Variants in MED15 observed in about 807,000 individuals in gnomAD.
MED15 encodes mediator of RNA polymerase II transcription subunit 15.
In MED15, 41 loss-of-function variants were observed where a neutral mutation model predicts 118.7. The ratio of observed to expected loss-of-function variants is 0.35; its 90% CI spans 0.27 to 0.45. MED15 has a LOEUF of 0.45. Among genes scored for constraint, MED15 ranks in the 20% least tolerant of loss-of-function variants. The pLI is 1.00. For missense variants in MED15, 740 were observed against 1,025.5 expected (o/e 0.72, Z 3.80); for synonymous variants, 436 against 413.9 (o/e 1.05, Z -0.65).
intron 2 of MED15, among the ~76,000 whole-genome samples, chr22:20,550,707 A>G (rs776171373): frequency 3.9e-5 from 6 of 152,288 alleles, no homozygotes; most frequent in Non-Finnish European, 7.3e-5. Context: ...CCACAAGACC[A>G]ACTCACAGTA....
intron 9 of MED15, among the ~76,000 whole-genome samples, chr22:20,579,275 C>T (rs1283058484): frequency 1.3e-5 from 2 of 152,158 alleles, no homozygotes; most frequent in African/African-American, 4.8e-5. Flanking sequence ...GCTTCTCATC[C>T]CAGGTGCTGG....
chr22:20,542,759 C>G (rs2055361300), intron 2 of MED15, among the ~76,000 whole-genome samples: 2 of 152,198 alleles, frequency 1.3e-5, no homozygotes, highest in Non-Finnish European at 2.9e-5. Flanking sequence ...AGTGTTTCTG[C>G]TGGTAGAACA....
chr22:20,533,545 G>T (rs1262835522), intron 1 of MED15, among the ~76,000 whole-genome samples: 1 of 152,198 alleles, frequency 6.6e-6, no homozygotes, highest in Non-Finnish European at 1.5e-5. Context: ...GCACAGTGCT[G>T]CTGTTCTGAG....
At chr22:20,569,195 G>A (rs933810385) in intron 8 of MED15, among the ~76,000 whole-genome samples, 3 of 152,172 alleles carry the variant, frequency 2.0e-5, no homozygotes, top group Non-Finnish European at 4.4e-5. Flanking sequence ...TGTGTGTCAC[G>A]TGTTAGTGGA....
At chr22:20,537,668 G>A (rs1170237205) in intron 2 of MED15, among the ~76,000 whole-genome samples, 1 of 152,278 alleles carries the variant, frequency 6.6e-6, no homozygotes, top group East Asian at 1.9e-4. Context: ...CTCGCCACAG[G>A]TGGAGTGGAG....
At chr22:20,527,452 C>A (rs904607866) in intron 1 of MED15, among the ~76,000 whole-genome samples, 4 of 147,176 alleles carry the variant, frequency 2.7e-5, no homozygotes, top group Middle Eastern at 3.5e-3. Flanking sequence ...TAAATTCTAC[C>A]GTTTTTTTTG....
At chr22:20,529,415 T>C (rs527973074) in intron 1 of MED15, among the ~76,000 whole-genome samples, 1 of 151,996 alleles carries the variant, frequency 6.6e-6, no homozygotes, top group East Asian at 1.9e-4. Flanking sequence ...GCCCAGCTAA[T>C]TTTTATATTT....
At chr22:20,525,479 T>C (rs2054601741) in intron 1 of MED15, among the ~76,000 whole-genome samples, 1 of 151,372 alleles carries the variant, frequency 6.6e-6, no homozygotes, top group African/African-American at 2.4e-5. Flanking sequence ...TCTCCCAAAG[T>C]TTTGGGATTA....
chr22:20,508,943 C>G (rs2053970182), intron 1 of MED15, among the ~76,000 whole-genome samples: 1 of 152,168 alleles, frequency 6.6e-6, no homozygotes, highest in Non-Finnish European at 1.5e-5. Context: ...TCTTGTCAGT[C>G]TGTAATGTGT....
intron 6 of MED15, among the ~76,000 whole-genome samples, chr22:20,564,986 A>G (rs1337278368): frequency 1.3e-5 from 2 of 152,210 alleles, no homozygotes; most frequent in Admixed American, 6.5e-5. Context: ...TTAGCTGGAC[A>G]TGGTGGCGTA....
chr22:20,580,335 T>C (rs1443049594), intron 9 of MED15, among the ~76,000 whole-genome samples: 1 of 152,156 alleles, frequency 6.6e-6, no homozygotes, highest in African/African-American at 2.4e-5. Context: ...GTGGTGGCCT[T>C]CTCTGCTTGG....
At position 20,583,205 on chromosome 22, in the gene MED15, G is replaced by C; in HGVS notation, c.1630G>C (p.Glu544Gln). 2 of 1,611,886 alleles carry C rather than the reference G, an allele frequency of 1.2e-6. No individual in the cohort carries two copies. The highest frequency in any genetic ancestry group is 1.7e-6 in the Non-Finnish European group (2 of 1,179,150). ...DKLKQLSKYI[E>Q]PLRRMINKID... Reference sequence around the variant, plus strand: ...GCTGAAGCAGCTGTCGAAGTACATCGAGCCCCTGCGCCGCATGATCAACAA... The same window carrying C: ...GCTGAAGCAGCTGTCGAAGTACATCCAGCCCCTGCGCCGCATGATCAACAA... Residue 544 changes from glutamate to glutamine, a missense_variant, in exon 12 of 18, where the codon GAG (glutamate) becomes CAG (glutamine). Physicochemically the swap from Glu to Gln is conservative, Grantham distance 29. Around this residue, in one of 7 missense-constraint regions of MED15, gnomAD observed 384 missense variants for 506.3 expected, o/e 0.76. Coordinates refer to ENST00000263205, the MANE Select transcript of MED15 (RefSeq NM_001003891.3).
At chr22:20,515,658 C>G (rs747049757) in intron 1 of MED15, among the ~76,000 whole-genome samples, 2 of 151,354 alleles carry the variant, frequency 1.3e-5, no homozygotes, top group Non-Finnish European at 2.9e-5. Flanking sequence ...GGCATGGTGG[C>G]GGGCACCTGT....
intron 8 of MED15, among the ~76,000 whole-genome samples, chr22:20,571,692 A>C (rs1458256956): frequency 6.6e-6 from 1 of 152,072 alleles, no homozygotes; most frequent in Non-Finnish European, 1.5e-5. Context: ...GGGGATGGGG[A>C]GGGTTGGGCA....
intron 5 of MED15, among the ~76,000 whole-genome samples, chr22:20,555,614 C>T (rs1482736660): frequency 6.6e-6 from 1 of 152,246 alleles, no homozygotes; most frequent in African/African-American, 2.4e-5. Context: ...GTGAAGGAGA[C>T]TCTGTGTCCT....
chr22:20,532,195 A>G (rs2054889282), intron 1 of MED15, among the ~76,000 whole-genome samples: 1 of 152,222 alleles, frequency 6.6e-6, no homozygotes, highest in African/African-American at 2.4e-5. Context: ...GAATTGCCAC[A>G]GATGCAGTGG....
intron 9 of MED15, among the ~76,000 whole-genome samples, chr22:20,580,155 CTGCCCTGACCT>C (rs1569246993): frequency 2.6e-5 from 4 of 152,176 alleles, no homozygotes; most frequent in Admixed American, 2.6e-4. Flanking sequence ...TGGCCACCAG[CTGCCCTGACCT>C]GGGGCAGCTG....
At chr22:20,557,547 G>A (rs973302097) in intron 5 of MED15, among the ~76,000 whole-genome samples, 13 of 152,104 alleles carry the variant, frequency 8.5e-5, no homozygotes, top group African/African-American at 1.4e-4. Context: ...TCCTTGTCAC[G>A]TTCTACTCTT....
rs570769045 is a variant in MED15, at chr22:20,530,813, A to G, written c.69-6304A>G. Among the ~76,000 whole-genome samples the G allele has an allele frequency of 1.9e-4, 29 of 152,244 alleles. No individual in the cohort carries two copies. The South Asian group carries it at 2.5e-3, about 13-fold the overall frequency. On this transcript the variant is annotated intron_variant, in intron 1 of 17. Coordinates refer to ENST00000263205, the MANE Select transcript of MED15 (RefSeq NM_001003891.3). ...ACACTGCAGGTGACTCAGAGCTCCA[A>G]TGGGAGGGTGGCTCTGCCTGAGGGA...
Sources: gnomAD v4.1 joint callset for allele counts (sites outside exome capture counted in the v4.1 genomes callset) on GRCh38, gnomAD v4.1.1 for gene constraint, gnomAD v4.1.1 regional missense constraint, MANE v1.5 for transcripts, NCBI Gene and HGNC (gene_info 2026-07-23, HGNC 2026-07-21) for gene names.